Variants in NSD2 observed in about 807,000 individuals in gnomAD.
NSD2 encodes nuclear receptor binding SET domain protein 2.
In NSD2, 12 loss-of-function variants were observed where a neutral mutation model predicts 139.0. The observed-to-expected ratio is 0.09, with a 90% CI of 0.06 to 0.14. The LOEUF (loss-of-function observed/expected upper bound fraction) is 0.14. Ranked by LOEUF, NSD2 falls within the 10% of genes least tolerant of loss-of-function variation. The pLI, the probability that NSD2 is intolerant of heterozygous loss-of-function variation, is 1.00. For missense variants in NSD2, 1,155 were observed against 1,745.0 expected (o/e 0.66, Z 6.02); for synonymous variants, 669 against 648.7 (o/e 1.03, Z -0.48).
chr4:1,940,673 C>CT, intron 9 of NSD2: 2 of 1,061,544 alleles, frequency 1.9e-6, no homozygotes, highest in Non-Finnish European at 2.3e-6. Flanking sequence ...ACTGGGGGCC[C>CT]TTTTGGAACA....
At chr4:1,950,319 A>G (rs1255247394) in intron 9 of NSD2, among the ~76,000 whole-genome samples, 1 of 152,180 alleles carries the variant, frequency 6.6e-6, no homozygotes, top group Non-Finnish European at 1.5e-5. Context: ...CCTGCGAGCA[A>G]TTCCACTCGC....
At chr4:1,906,097 C>T (rs1717860956) in intron 3 of NSD2, among the ~76,000 whole-genome samples, 1 of 152,174 alleles carries the variant, frequency 6.6e-6, no homozygotes, top group Non-Finnish European at 1.5e-5. Flanking sequence ...GGCACACAAG[C>T]AGCTCTTACT....
At chr4:1,938,362 T>C (rs944519813) in intron 7 of NSD2, 89 bp from the exon 8 acceptor site, 1 of 1,179,678 alleles carries the variant, frequency 8.5e-7, no homozygotes, top group Non-Finnish European at 1.1e-6. Flanking sequence ...TTCTTTTCCT[T>C]TTGTTGTTCT....
intron 5 of NSD2, among the ~76,000 whole-genome samples, chr4:1,927,755 G>A (rs1035977052): frequency 2.1e-5 from 3 of 143,978 alleles, no homozygotes; most frequent in Non-Finnish European, 4.5e-5. Context: ...AAAAAGCCGT[G>A]TAGGGAGCAG....
intron 1 of NSD2, among the ~76,000 whole-genome samples, chr4:1,872,633 A>AGAGAGAGAGAGAGAGAGAGAGAGAGC (rs1203166315): frequency 7.6e-6 from 1 of 131,036 alleles, no homozygotes; most frequent in Non-Finnish European, 1.7e-5. Flanking sequence ...AGAGAGAGAG[A>AGAGAGAGAGAGAGAGAGAGAGAGAGC]GAGCGCGCAG....
At position 1,981,496 on chromosome 4, in the gene NSD2, C is replaced by T. The variant is rs1001234009; in HGVS notation, c.*2587C>T. The T allele has an allele frequency of 2.4e-5, 6 of 254,850 alleles. No homozygotes were observed. The highest frequency in any genetic ancestry group is 1.1e-4 in the Admixed American group (2 of 18,344). The allele number at this position is 254,850 out of a possible 1,614,324, so 15.8% of individuals were successfully genotyped here. ...CAATCCCTCAGGATTCCTTGGCATC[C>T]GAAACCAGCATCTGCACCTAAACCC... is the stretch of plus-strand genomic sequence containing the variant. On this transcript the variant is annotated 3_prime_UTR_variant, in exon 22 of 22. Transcript: ENST00000508803.
chr4:1,878,439 T>C (rs1342615882), intron 1 of NSD2, among the ~76,000 whole-genome samples: 1 of 151,778 alleles, frequency 6.6e-6, no homozygotes, highest in Non-Finnish European at 1.5e-5. Context: ...TCTGTTGCTA[T>C]CTGGCACTCC....
chr4:1,964,756 C>T (rs1328380563), intron 18 of NSD2, among the ~76,000 whole-genome samples: 2 of 152,100 alleles, frequency 1.3e-5, no homozygotes, highest in African/African-American at 4.8e-5. Context: ...TCTTTTTCCC[C>T]TTTTGGGAGC....
chr4:1,924,037 A>G (rs1720525066), intron 5 of NSD2, among the ~76,000 whole-genome samples: 1 of 152,164 alleles, frequency 6.6e-6, no homozygotes, highest in Non-Finnish European at 1.5e-5. Context: ...AGGAGCCATT[A>G]ACACCTGGTG....
At position 1,981,822 on chromosome 4, in the gene NSD2, T is replaced by C. The variant is rs1478584100; in HGVS notation, c.*2913T>C. 2.5e-6 allele frequency: 1 copy of C among 398,560 alleles called. No individual in the cohort carries two copies. Among genetic ancestry groups the C allele is most frequent in the Admixed American group, 4.4e-5 (1 of 22,742 alleles). The allele number at this position is 398,560 out of a possible 1,614,324, so 24.7% of individuals were successfully genotyped here. ...AATGACTGTCAGTTGCCAAATATCT[T>C]GATCCTATGAGTGTAGTTGATGACT... On this transcript the variant is annotated 3_prime_UTR_variant, in exon 22 of 22. Coordinates refer to ENST00000508803, the MANE Select transcript of NSD2 (RefSeq NM_001042424.3).
rs1486188345 is a variant in NSD2 at position 1,909,909 on chromosome 4, G to A, written c.760+5531G>A. ...CCAACTCGGCCTCCCAAAGTGCTGT[G>A]ATTACAGGCGTGAGTCACCGCGCCC... On this transcript the variant is annotated intron_variant, in intron 3 of 21. Coordinates refer to ENST00000508803, the MANE Select transcript of NSD2 (RefSeq NM_001042424.3). 2.0e-5 allele frequency among the ~76,000 whole-genome samples: 3 copies of A among 151,364 alleles called. No homozygotes were observed. In the East Asian group the frequency reaches 5.8e-4, roughly 29 times the overall value.
chr4:1,953,159 G>A, intron 11 of NSD2, 165 bp from the exon 12 acceptor site: 1 of 1,551,106 alleles, frequency 6.4e-7, no homozygotes, highest in Non-Finnish European at 8.7e-7. Context: ...GGATCTTTTT[G>A]CTGGAGAATG....
At chr4:1,917,910 A>ACAT (rs1719616094) in intron 4 of NSD2, among the ~76,000 whole-genome samples, 1 of 149,028 alleles carries the variant, frequency 6.7e-6, no homozygotes, top group Non-Finnish European at 1.5e-5. Context: ...CCTCCCTAGT[A>ACAT]GCTGGGACCA....
intron 21 of NSD2, among the ~76,000 whole-genome samples, chr4:1,977,348 G>C (rs1457883212): frequency 6.6e-6 from 1 of 152,216 alleles, no homozygotes; most frequent in African/African-American, 2.4e-5. Flanking sequence ...AGATGACTCT[G>C]GCGGTGCGCA....
intron 9 of NSD2, chr4:1,947,946 C>T: frequency 1.9e-6 from 2 of 1,057,068 alleles, no homozygotes; most frequent in Non-Finnish European, 2.3e-6. Flanking sequence ...TCATACAGGT[C>T]ACCCTGAAGG....
rs978044399 is a variant in NSD2 at position 1,958,299 on chromosome 4, C to T, written c.2985+263C>T. Among the ~76,000 whole-genome samples the T allele has an allele frequency of 6.6e-6, 1 of 152,198 alleles. No homozygotes were observed. The highest frequency in any genetic ancestry group is 2.4e-5 in the African/African-American group (1 of 41,442). ...TGGGGTGACAGTCCTGACCGGGCTGCTTGGAGCAGGAGGAGCTGAGGGATG... is the reference window on the plus strand; with the variant it reads ...TGGGGTGACAGTCCTGACCGGGCTGTTTGGAGCAGGAGGAGCTGAGGGATG... On this transcript the variant is annotated intron_variant, in intron 16 of 21. Coordinates refer to ENST00000508803, the MANE Select transcript of NSD2 (RefSeq NM_001042424.3). The surrounding 1 kb of genome is among the most constrained non-coding windows in gnomAD (Gnocchi z 4.6).
intron 5 of NSD2, among the ~76,000 whole-genome samples, chr4:1,922,571 A>C (rs1041125177): frequency 1.3e-5 from 2 of 152,194 alleles, no homozygotes; most frequent in Non-Finnish European, 1.5e-5. Context: ...CTGTGGCCAC[A>C]TTTGAAGAGA....
intron 8 of NSD2, chr4:1,939,350 G>T (rs1722832662): frequency 5.4e-6 from 2 of 369,152 alleles, no homozygotes; most frequent in South Asian, 7.4e-5. Context: ...TGGATGAAAT[G>T]ATATGTCTGG....
Position 1,889,131 on chromosome 4 carries a change from C to T in NSD2, c.-29-11495C>T, listed in dbSNP as rs186652720. On this transcript the variant is annotated intron_variant, in intron 1 of 21. Coordinates refer to ENST00000508803, the MANE Select transcript of NSD2 (RefSeq NM_001042424.3). The stretch of plus-strand genomic sequence containing the variant: ...CAGGCTGGTCTGGAACTCCTGACCT[C>T]AGGTGATCCACCCGCTTTGGCCTCC... Among the ~76,000 whole-genome samples the T allele has an allele frequency of 1.8e-3, 279 of 152,178 alleles. 2 individuals are homozygous for T. Among genetic ancestry groups the T allele is most frequent in the African/African-American group, 5.6e-3 (232 of 41,528 alleles).
Sources: gnomAD v4.1 joint callset for allele counts (sites outside exome capture counted in the v4.1 genomes callset) on GRCh38, gnomAD v4.1.1 for gene constraint, Gnocchi (gnomAD v3.1) non-coding constraint, MANE v1.5 for transcripts, NCBI Gene and HGNC (gene_info 2026-07-23, HGNC 2026-07-21) for gene names.